The following CD164L2 variants were observed in gnomAD, a reference collection of about 807,000 sequenced individuals.
CD164L2 encodes the protein CD164 molecule like 2.
CD164L2 carries 21 observed loss-of-function variants against 23.9 expected under a neutral mutation model. The ratio of observed to expected loss-of-function variants is 0.88; its 90% CI spans 0.62 to 1.27. CD164L2 has a LOEUF of 1.27. Ranked by LOEUF, CD164L2 falls within the 50% of genes most tolerant of loss-of-function variation. The pLI is 0.00. For synonymous variants in CD164L2, 92 were observed against 90.2 expected, an observed-to-expected ratio of 1.02 and a Z score of -0.11; for missense variants, 230 against 224.8, an observed-to-expected ratio of 1.02 and a Z score of -0.15.
rs555293469 is a variant in CD164L2 at position 27,383,303 on chromosome 1, T to C, written c.-64A>G. ...GATCGGTGGACAGCTGCCGGGCGCG[T>C]CCCTCCCAGACTGGGCTCGGCTGAG... is the stretch of plus-strand genomic sequence containing the variant. On this transcript the variant is annotated 5_prime_UTR_variant, in exon 1 of 6. Transcript: ENST00000374030. 67 of 1,100,452 alleles carry C rather than the reference T, an allele frequency of 6.1e-5. No homozygotes were observed. The African/African-American group carries it at 8.9e-4, about 15-fold the overall frequency. 68.2% of individuals were successfully genotyped at this position (1,100,452 alleles called of 1,614,324 possible).
chr1:27,380,275 G>A, intron 4 of CD164L2, 80 bp from the exon 5 acceptor site: 1 of 1,336,594 alleles, frequency 7.5e-7, no homozygotes, highest in Non-Finnish European at 1.0e-6. Context: ...ACTGGCACAA[G>A]TAACCTGGAG....
Position 27,379,449 on chromosome 1 carries a change from G to T in CD164L2, c.*54C>A. 7.2e-7 allele frequency: 1 copy of T among 1,393,362 alleles called. No homozygotes were observed. Among genetic ancestry groups the T allele is most frequent in the Non-Finnish European group, 1.0e-6 (1 of 1,004,066 alleles). 86.3% of individuals were successfully genotyped at this position (1,393,362 alleles called of 1,614,324 possible). On this transcript the variant is annotated 3_prime_UTR_variant, in exon 6 of 6. Coordinates refer to ENST00000374030, the MANE Select transcript of CD164L2 (RefSeq NM_001330448.1). ...CCGCTTACCCACAAGGGTGCCCAGA[G>T]GCCACCCTCTGCATCCTCCTTTCCC...
chr1:27,382,711 A>G (rs2016362362), intron 1 of CD164L2, 44 bp from the exon 2 acceptor site: 2 of 1,540,780 alleles, frequency 1.3e-6, no homozygotes, highest in Non-Finnish European at 1.8e-6. Flanking sequence ...CTCGAAGCCA[A>G]GCTGTGGCAC....
At chr1:27,379,796 A>G in intron 5 of CD164L2, 2 of 1,436,728 alleles carry the variant, frequency 1.4e-6, no homozygotes, top group Non-Finnish European at 1.8e-6. Context: ...GGCAGCATGA[A>G]GGGAAAAGAC....
chr1:27,381,997 C>T (rs1030774467), intron 3 of CD164L2, 173 bp from the exon 4 acceptor site: 46 of 1,388,640 alleles, frequency 3.3e-5, no homozygotes, highest in Non-Finnish European at 4.4e-5. Flanking sequence ...TGTGCTCTCT[C>T]TCCATCTCTA....
In CD164L2 at chr1:27,379,336, G is replaced by T; in HGVS notation, c.*167C>A. ...GCTGCAGGTTCCAGGCCCAGGACAG[G>T]AGGAGATGTCAGGCATCAGACACTG... is the stretch of plus-strand genomic sequence containing the variant. On this transcript the variant is annotated 3_prime_UTR_variant, in exon 6 of 6. Coordinates refer to ENST00000374030, the MANE Select transcript of CD164L2 (RefSeq NM_001330448.1). 1 of 657,500 alleles carries T rather than the reference G, an allele frequency of 1.5e-6. No homozygotes were observed. The highest frequency in any genetic ancestry group is 1.8e-5 in the South Asian group (1 of 56,774). 40.7% of individuals were successfully genotyped at this position (657,500 alleles called of 1,614,324 possible). A position where few individuals can be genotyped will look rare whatever the true frequency, so the allele number is the denominator to read the frequency against.
chr1:27,379,541 T>A, intron 5 of CD164L2, 32 bp from the exon 6 acceptor site: 1 of 1,549,816 alleles, frequency 6.5e-7, no homozygotes, highest in Non-Finnish European at 8.7e-7. Flanking sequence ...CTCAGGAAGG[T>A]GACACTGCCT....
chr1:27,381,649 C>A, intron 4 of CD164L2, 131 bp downstream of exon 4: 1 of 954,038 alleles, frequency 1.0e-6, no homozygotes, highest in Non-Finnish European at 1.6e-6. Flanking sequence ...ACCCATTTCA[C>A]AGATGCGGAG....
chr1:27,380,260 T>C (rs2148076846), intron 4 of CD164L2, 65 bp from the exon 5 acceptor site: 9 of 1,486,074 alleles, frequency 6.1e-6, no homozygotes, highest in African/African-American at 1.4e-5. Context: ...AGTCCTACCC[T>C]CATAACTGGC....
At chr1:27,383,095 A>T in intron 1 of CD164L2, 57 bp downstream of exon 1, 1 of 1,389,572 alleles carries the variant, frequency 7.2e-7, no homozygotes, top group Non-Finnish European at 9.9e-7. Flanking sequence ...CGGCTGGCTG[A>T]GGTGCAAGCT....
chr1:27,382,613 G>A lies in CD164L2; in HGVS notation c.143C>T (p.Pro48Leu), dbSNP rs760404865. Residue 48 changes from proline to leucine, a missense_variant, in exon 2 of 6, where the codon CCG becomes CTG. Pro to Leu is a moderately conservative substitution (Grantham distance 98). Transcript: ENST00000374030. ...RGALIRLNIW[P>L]AVQGACKQLE... ...CTGTTTGCAGGCCCCTTGGACCGCC[G>A]GCCAGATATTCAGGCGGATCAGGGC... 5.0e-6 allele frequency: 8 copies of A among 1,612,964 alleles called. No homozygotes were observed. In the East Asian group the frequency reaches 1.1e-4, roughly 22 times the overall value.
intron 3 of CD164L2, chr1:27,382,107 A>G (rs2016345904): frequency 6.7e-7 from 1 of 1,490,802 alleles, no homozygotes; most frequent in Non-Finnish European, 9.0e-7. Flanking sequence ...CTAGAAGAAG[A>G]GCTAACACTC....
At chr1:27,381,940 T>C in intron 3 of CD164L2, 116 bp from the exon 4 acceptor site, 1 of 1,423,450 alleles carries the variant, frequency 7.0e-7, no homozygotes, top group East Asian at 2.4e-5. Flanking sequence ...GTCCCTACTC[T>C]AGACATCCAA....
Position 27,382,370 on chromosome 1 carries a change from T to G in CD164L2, c.286A>C (p.Lys96Gln). ...GHCVAQSEVV[K>Q]EGCSIYNRSE... is the part of the protein sequence containing the mutation. ...CGGTTGTAGATGGAGCAACCTTCCT[T>G]GACCACCTCAGATTGGGCCACACAG... is the stretch of plus-strand genomic sequence containing the variant. The change falls in exon 3 of 6, where the codon AAG becomes CAG. Residue 96 changes from lysine (K) to glutamine (Q), a missense_variant. Lys to Gln is a moderately conservative substitution (Grantham distance 53). Coordinates refer to ENST00000374030, the MANE Select transcript of CD164L2 (RefSeq NM_001330448.1). The G allele has an allele frequency of 6.2e-7, 1 of 1,612,754 alleles. No homozygotes were observed. The highest frequency in any genetic ancestry group is 1.7e-4 in the Middle Eastern group (1 of 6,052).
chr1:27,379,965 G>A (rs900503279), intron 5 of CD164L2, 86 bp downstream of exon 5: 3 of 1,565,768 alleles, frequency 1.9e-6, no homozygotes, highest in African/African-American at 2.7e-5. Context: ...GGAGAAGACA[G>A]CACCCTGGGT....
In CD164L2 at chr1:27,380,044, TACTC is replaced by T. The variant is rs2016308756; in HGVS notation, c.518+3_518+6del. The stretch of plus-strand genomic sequence containing the variant: ...ACTCAGGTACTTGCTGCTGGCCAGG[TACTC>T]ACAGCGTCTGGTAGGTGCTGTCCTT... On this transcript the variant is annotated splice_donor_5th_base_variant and intron_variant, in intron 5 of 5. Transcript: ENST00000374030. 6.2e-7 allele frequency: 1 copy of T among 1,613,096 alleles called. No individual in the cohort carries two copies. Among genetic ancestry groups the T allele is most frequent in the African/African-American group, 1.3e-5 (1 of 74,908 alleles).
In CD164L2 at chr1:27,381,841, T is replaced by A; in HGVS notation, c.329-17A>T. ...GGTGAGCAGCTGAGGAGACAGGTGATCCATAGCAAAGCAGCCTTCCCACCC... is the reference window on the plus strand; with the variant it reads ...GGTGAGCAGCTGAGGAGACAGGTGAACCATAGCAAAGCAGCCTTCCCACCC... On this transcript the variant is annotated splice_polypyrimidine_tract_variant and intron_variant, in intron 3 of 5. Transcript: ENST00000374030. The A allele has an allele frequency of 2.5e-6, 4 of 1,613,820 alleles. No individual in the cohort carries two copies. The highest frequency in any genetic ancestry group is 3.4e-6 in the Non-Finnish European group (4 of 1,179,852).
At position 27,382,602 on chromosome 1, in the gene CD164L2, C is replaced by G; in HGVS notation, c.154G>C (p.Gly52Arg). 1 of 1,613,278 alleles carries G rather than the reference C, an allele frequency of 6.2e-7. No homozygotes were observed. Among genetic ancestry groups the G allele is most frequent in the Non-Finnish European group, 8.5e-7 (1 of 1,179,930 alleles). ...CAGACCTCCAGCTGTTTGCAGGCCC[C>G]TTGGACCGCCGGCCAGATATTCAGG... ...IRLNIWPAVQ[G>R]ACKQLEVCEH... Residue 52 changes from glycine (G) to arginine (R), a missense_variant, in exon 2 of 6, where the codon GGG becomes CGG. Gly to Arg is a moderately radical substitution (Grantham distance 125). Coordinates refer to ENST00000374030, the MANE Select transcript of CD164L2 (RefSeq NM_001330448.1).
chr1:27,380,697 A>G (rs2016320759), intron 4 of CD164L2, among the ~76,000 whole-genome samples: 1 of 152,156 alleles, frequency 6.6e-6, no homozygotes, highest in Non-Finnish European at 1.5e-5. Context: ...GAGCCCTCAG[A>G]GAGGGAAGGA....
Sources: gnomAD v4.1 joint callset for allele counts (sites outside exome capture counted in the v4.1 genomes callset) on GRCh38, gnomAD v4.1.1 for gene constraint, MANE v1.5 for transcripts, NCBI Gene and HGNC (gene_info 2026-07-23, HGNC 2026-07-21) for gene names.